The following KDM2A variants were observed in gnomAD, a reference collection of about 807,000 sequenced individuals.
The protein encoded by KDM2A is lysine demethylase 2A.
Under a neutral mutation model 137.3 loss-of-function variants are expected in KDM2A, and 3 were observed. That is an observed-to-expected ratio of 0.02 (90% CI 0.01 to 0.06). The LOEUF is 0.06. KDM2A is among the 10% of genes least tolerant of loss of function. The pLI is 1.00. For missense variants in KDM2A, 738 were observed against 1,510.6 expected, an observed-to-expected ratio of 0.49 and a Z score of 8.48; for synonymous variants, 512 against 541.5, an observed-to-expected ratio of 0.95 and a Z score of 0.76.
intron 2 of KDM2A, among the ~76,000 whole-genome samples, chr11:67,177,334 T>G (rs566460100): frequency 7.9e-5 from 12 of 152,342 alleles, no homozygotes; most frequent in Admixed American, 7.8e-4. Context: ...TATATACTTT[T>G]GAACATTTTC....
chr11:67,161,858 A>G (rs1326495298), intron 2 of KDM2A, among the ~76,000 whole-genome samples: 3 of 152,224 alleles, frequency 2.0e-5, no homozygotes, highest in African/African-American at 4.8e-5. Context: ...TAATGCTCTC[A>G]GGACTAAGGG....
At chr11:67,249,723 A>G (rs1859350215) in intron 16 of KDM2A, among the ~76,000 whole-genome samples, 1 of 152,200 alleles carries the variant, frequency 6.6e-6, no homozygotes, top group Non-Finnish European at 1.5e-5. Context: ...CTAGAAGCCA[A>G]TGGTGTTTAC....
intron 2 of KDM2A, among the ~76,000 whole-genome samples, chr11:67,128,036 G>T (rs978291687): frequency 7.2e-6 from 1 of 139,228 alleles, no homozygotes; most frequent in African/African-American, 2.7e-5. Context: ...TTTTTTTTAG[G>T]CGGGGTCTTG....
At chr11:67,233,851 C>G (rs1858792162) in intron 12 of KDM2A, among the ~76,000 whole-genome samples, 1 of 151,948 alleles carries the variant, frequency 6.6e-6, no homozygotes, top group South Asian at 2.1e-4. Context: ...TGAAAAGTGT[C>G]CGGAGATAGC....
At chr11:67,215,293 C>A in intron 6 of KDM2A, 47 bp from the exon 7 acceptor site, 2 of 1,259,442 alleles carry the variant, frequency 1.6e-6, no homozygotes, top group Non-Finnish European at 2.3e-6. Context: ...TATCTTTGAC[C>A]CCAACCTTTC....
At chr11:67,121,035 G>A (rs1294092116) in intron 1 of KDM2A, among the ~76,000 whole-genome samples, 199 bp from the exon 2 acceptor site, 1 of 152,118 alleles carries the variant, frequency 6.6e-6, no homozygotes, top group African/African-American at 2.4e-5. Context: ...TTTCGTCTAG[G>A]CCTCCGACAG....
intron 2 of KDM2A, among the ~76,000 whole-genome samples, chr11:67,176,468 C>T (rs1590750175): frequency 6.6e-6 from 1 of 152,150 alleles, no homozygotes; most frequent in African/African-American, 2.4e-5. Flanking sequence ...ATCCAGTTTC[C>T]TGTTGGGTAT....
chr11:67,211,320 A>G (rs1857973034), intron 6 of KDM2A, among the ~76,000 whole-genome samples: 1 of 152,124 alleles, frequency 6.6e-6, no homozygotes, highest in Admixed American at 6.6e-5. Flanking sequence ...CATAGTCAAA[A>G]TATAGAAAAT....
At chr11:67,131,574 G>A (rs1855856098) in intron 2 of KDM2A, among the ~76,000 whole-genome samples, 1 of 151,724 alleles carries the variant, frequency 6.6e-6, no homozygotes, top group Non-Finnish European at 1.5e-5. Flanking sequence ...ACCACGCCTG[G>A]CTAATTTTTG....
intron 2 of KDM2A, among the ~76,000 whole-genome samples, chr11:67,156,574 C>G (rs1022708883): frequency 6.6e-6 from 1 of 151,922 alleles, no homozygotes; most frequent in Admixed American, 6.6e-5. Context: ...AGAAAATTAG[C>G]CGGGCGTGGT....
In KDM2A at chr11:67,124,864, T is replaced by A. The variant is rs1007642495; in HGVS notation, c.42+3506T>A. On this transcript the variant is annotated intron_variant, in intron 2 of 20. Transcript: ENST00000529006. The stretch of plus-strand genomic sequence containing the variant: ...TGGAGAGAACTTTCTTTTTCTTTCT[T>A]TTTTTTTTTTTGAGACAGAGTCTTG... Among the ~76,000 whole-genome samples the A allele has an allele frequency of 5.4e-4, 79 of 147,440 alleles. 1 individual carries two copies. The highest frequency in any genetic ancestry group is 5.4e-4 in the Admixed American group (8 of 14,752).
intron 3 of KDM2A, 40 bp downstream of exon 3, chr11:67,180,257 T>G (rs1465268320): frequency 3.8e-6 from 6 of 1,599,576 alleles, no homozygotes; most frequent in Non-Finnish European, 5.1e-6. Flanking sequence ...TCCTTTGATG[T>G]GGGAAGCCAT....
intron 2 of KDM2A, among the ~76,000 whole-genome samples, chr11:67,134,804 C>T (rs1855936025): frequency 6.6e-6 from 1 of 152,110 alleles, no homozygotes. Context: ...CTCACCTGGC[C>T]TTGAATTTTA....
intron 17 of KDM2A, 100 bp from the exon 18 acceptor site, chr11:67,252,594 C>A: frequency 7.7e-7 from 1 of 1,293,262 alleles, no homozygotes; most frequent in Non-Finnish European, 1.1e-6. Flanking sequence ...GAAGAACGAG[C>A]CTCCAGGTAC....
rs1192136018 is a variant in KDM2A, at chr11:67,191,484, A to C, written c.307+9592A>C. 1.3e-5 allele frequency among the ~76,000 whole-genome samples: 2 copies of C among 152,228 alleles called. 1 individual carries two copies. The highest frequency in any genetic ancestry group is 2.9e-5 in the Non-Finnish European group (2 of 68,036). ...CATACTAAATTCAGCAGCATATTAAAAGGATTATACACCATGACCAAGTGG... is the reference window on the plus strand; with the variant it reads ...CATACTAAATTCAGCAGCATATTAACAGGATTATACACCATGACCAAGTGG... On this transcript the variant is annotated intron_variant, in intron 5 of 20. Coordinates refer to ENST00000529006, the MANE Select transcript of KDM2A (RefSeq NM_012308.3).
chr11:67,122,859 T>C (rs1447051725), intron 2 of KDM2A, among the ~76,000 whole-genome samples: 1 of 151,376 alleles, frequency 6.6e-6, no homozygotes, highest in Non-Finnish European at 1.5e-5. Flanking sequence ...GTACTTTTAG[T>C]AGAGACGGGG....
chr11:67,203,280 G>T (rs949959662), intron 5 of KDM2A, among the ~76,000 whole-genome samples: 1 of 151,644 alleles, frequency 6.6e-6, no homozygotes, highest in Admixed American at 6.6e-5. Context: ...GTAAATATAT[G>T]CACTGTGAAA....
intron 6 of KDM2A, among the ~76,000 whole-genome samples, chr11:67,214,346 G>A (rs1262697006): frequency 3.3e-5 from 5 of 151,640 alleles, no homozygotes; most frequent in Middle Eastern, 3.5e-3. Context: ...CTGGGACTAC[G>A]GGCGCCCGCC....
At position 67,242,858 on chromosome 11, in the gene KDM2A, G is replaced by A. The variant is rs539465863; in HGVS notation, c.1480-151G>A. On this transcript the variant is annotated intron_variant, in intron 12 of 20. Transcript: ENST00000529006. ...ACCTTTGATTTATTTGTTTTCCAGTGAGTCTCTATATGAAGGGCAAATACA... is the reference window on the plus strand; with the variant it reads ...ACCTTTGATTTATTTGTTTTCCAGTAAGTCTCTATATGAAGGGCAAATACA... 4 of 540,366 alleles carry A rather than the reference G, an allele frequency of 7.4e-6. No homozygotes were observed. In the South Asian group the frequency reaches 1.0e-4, roughly 14 times the overall value. 33.5% of individuals were successfully genotyped at this position (540,366 alleles called of 1,614,324 possible).
Sources: gnomAD v4.1 joint callset for allele counts (sites outside exome capture counted in the v4.1 genomes callset) on GRCh38, gnomAD v4.1.1 for gene constraint, MANE v1.5 for transcripts, NCBI Gene and HGNC (gene_info 2026-07-23, HGNC 2026-07-21) for gene names.